The following SLC24A4 variants were observed in gnomAD, a reference collection of about 807,000 sequenced individuals.
SLC24A4 encodes sodium/potassium/calcium exchanger 4.
Under a neutral mutation model 79.0 loss-of-function variants are expected in SLC24A4, and 53 were observed. That is an observed-to-expected ratio of 0.67 (90% CI 0.54 to 0.84). SLC24A4 has a LOEUF of 0.84. SLC24A4 is among the 40% of genes least tolerant of loss of function. The probability of loss-of-function intolerance (pLI) is 0.00; values close to 1 mark genes in which losing one functional copy is unlikely to be tolerated. For synonymous variants in SLC24A4, 323 were observed against 323.8 expected (o/e 1.00, Z 0.03); for missense variants, 731 against 822.0 (o/e 0.89, Z 1.35).
intron 11 of SLC24A4, among the ~76,000 whole-genome samples, chr14:92,454,987 T>C (rs1196188320): frequency 6.6e-6 from 1 of 151,500 alleles, no homozygotes; most frequent in African/African-American, 2.4e-5. Flanking sequence ...GATTTAGAGA[T>C]TGGGATTTAT....
At chr14:92,427,588 C>G (rs2139773945) in intron 2 of SLC24A4, among the ~76,000 whole-genome samples, 1 of 152,294 alleles carries the variant, frequency 6.6e-6, no homozygotes, top group East Asian at 1.9e-4. Context: ...CAGAGGGACT[C>G]AAGAGCAGAT....
intron 7 of SLC24A4, 141 bp downstream of exon 7, chr14:92,443,615 G>A (rs542478569): frequency 2.8e-5 from 24 of 865,566 alleles, no homozygotes; most frequent in Admixed American, 1.0e-4. Flanking sequence ...CACTCACTGC[G>A]GTCACAGTGA....
At chr14:92,492,340 C>A in intron 16 of SLC24A4, 100 bp downstream of exon 16, 9 of 1,140,784 alleles carry the variant, frequency 7.9e-6, no homozygotes, top group Non-Finnish European at 1.2e-5. Flanking sequence ...TGTCACTTCC[C>A]TTGGTAGTGA....
intron 12 of SLC24A4, among the ~76,000 whole-genome samples, chr14:92,482,006 G>C (rs1255098008): frequency 6.6e-6 from 1 of 152,206 alleles, no homozygotes; most frequent in Admixed American, 6.5e-5. Flanking sequence ...CTGGACTGCA[G>C]CCAGGGCACA....
intron 3 of SLC24A4, among the ~76,000 whole-genome samples, chr14:92,435,087 T>C (rs1892093305): frequency 6.6e-6 from 1 of 152,222 alleles, no homozygotes; most frequent in Non-Finnish European, 1.5e-5. Flanking sequence ...TTAAAGTATT[T>C]TAAACTTAAA....
At chr14:92,364,548 ACTGTGG>A (rs1887715183) in intron 2 of SLC24A4, among the ~76,000 whole-genome samples, 1 of 152,200 alleles carries the variant, frequency 6.6e-6, no homozygotes, top group African/African-American at 2.4e-5. Flanking sequence ...GAGGATGGTG[ACTGTGG>A]GGACCAGGGG....
chr14:92,461,757 G>A (rs1010902226), intron 12 of SLC24A4, among the ~76,000 whole-genome samples: 2 of 152,204 alleles, frequency 1.3e-5, no homozygotes, highest in South Asian at 4.1e-4. Context: ...ATCTCACGGG[G>A]CATCTGTGCC....
At chr14:92,400,762 C>G (rs920673860) in intron 2 of SLC24A4, among the ~76,000 whole-genome samples, 4 of 152,180 alleles carry the variant, frequency 2.6e-5, no homozygotes, top group Non-Finnish European at 5.9e-5. Context: ...AGCCTAAGCA[C>G]GTGGGTCCCC....
chr14:92,441,183 A>C lies in SLC24A4; in HGVS notation c.394-906A>C, dbSNP rs1298131644. ...CAGGGCTGCTCAGGGATACTTTGGG[A>C]GTTGGGGCTGGTGGAGGTGAGCCCT... On this transcript the variant is annotated intron_variant, in intron 4 of 16. Coordinates refer to ENST00000532405, the MANE Select transcript of SLC24A4 (RefSeq NM_153646.4). The surrounding 1 kb of genome is among the most constrained non-coding windows in gnomAD (Gnocchi z 4.6). Among the ~76,000 whole-genome samples the C allele has an allele frequency of 6.6e-6, 1 of 151,996 alleles. No homozygotes were observed. The highest frequency in any genetic ancestry group is 1.5e-5 in the Non-Finnish European group (1 of 67,980).
chr14:92,395,338 T>C (rs1889703066), intron 2 of SLC24A4, among the ~76,000 whole-genome samples: 1 of 151,936 alleles, frequency 6.6e-6, no homozygotes. Flanking sequence ...AAAGCCTCTC[T>C]AGCAGCCATT....
chr14:92,473,102 A>G (rs1894526723), intron 12 of SLC24A4, among the ~76,000 whole-genome samples: 1 of 152,120 alleles, frequency 6.6e-6, no homozygotes, highest in Non-Finnish European at 1.5e-5. Flanking sequence ...CCTTTTTTTC[A>G]TGACCATCAT....
At chr14:92,336,842 C>T (rs891967156) in intron 2 of SLC24A4, among the ~76,000 whole-genome samples, 1 of 152,166 alleles carries the variant, frequency 6.6e-6, no homozygotes, top group Non-Finnish European at 1.5e-5. Context: ...TAGGTGGAGG[C>T]TGTGGAAGGG....
At chr14:92,324,603 G>T (rs1273978180) in intron 1 of SLC24A4, among the ~76,000 whole-genome samples, 1 of 152,216 alleles carries the variant, frequency 6.6e-6, no homozygotes, top group Non-Finnish European at 1.5e-5. Context: ...AATTTCAGGT[G>T]GAGCGGGAAG....
At chr14:92,480,317 T>C (rs2149052) in intron 12 of SLC24A4, among the ~76,000 whole-genome samples, 74,161 of 83,982 alleles carry the variant, frequency 0.88, 33,866 homozygotes, top group Non-Finnish European at 0.99. Context: ...GATGGAGTCT[T>C]GCTCTGTCGC....
chr14:92,394,980 C>CT (rs1319820901), intron 2 of SLC24A4, among the ~76,000 whole-genome samples: 1 of 152,172 alleles, frequency 6.6e-6, no homozygotes, highest in Admixed American at 6.5e-5. Flanking sequence ...TGTTGGATAA[C>CT]TCACCAGCCA....
At position 92,348,168 on chromosome 14, in the gene SLC24A4, C is replaced by T. The variant is rs1042896323; in HGVS notation, c.241+22190C>T. ...GCTCCATTTACTGAGTGTGTGAACT[C>T]AGCAGGTTTTAACTTCCTTAAATCT... On this transcript the variant is annotated intron_variant, in intron 2 of 16. Transcript: ENST00000532405. 9.9e-5 allele frequency among the ~76,000 whole-genome samples: 15 copies of T among 152,144 alleles called. 1 individual carries two copies. Among genetic ancestry groups the T allele is most frequent in the South Asian group, 6.2e-4 (3 of 4,836 alleles).
intron 2 of SLC24A4, among the ~76,000 whole-genome samples, chr14:92,401,112 A>T (rs986160296): frequency 3.3e-5 from 5 of 152,130 alleles, no homozygotes; most frequent in African/African-American, 1.2e-4. Flanking sequence ...ATAAAGAGAA[A>T]AGACTACAGC....
At chr14:92,339,291 G>A (rs1053722028) in intron 2 of SLC24A4, among the ~76,000 whole-genome samples, 10 of 152,162 alleles carry the variant, frequency 6.6e-5, no homozygotes, top group African/African-American at 1.4e-4. Context: ...TTAAGTCCCC[G>A]ATGTCAAAAT....
intron 2 of SLC24A4, among the ~76,000 whole-genome samples, chr14:92,418,461 A>G (rs1234670776): frequency 6.6e-6 from 1 of 152,204 alleles, no homozygotes; most frequent in Non-Finnish European, 1.5e-5. Context: ...AGGTGCACAC[A>G]TACACAAACA....
Sources: allele counts gnomAD v4.1 joint callset (sites outside exome capture counted in the v4.1 genomes callset), GRCh38; gene constraint gnomAD v4.1.1; non-coding constraint Gnocchi (gnomAD v3.1); transcripts MANE v1.5; gene names NCBI Gene and HGNC (gene_info 2026-07-23, HGNC 2026-07-21).